Variants in PPP1R13B observed in about 807,000 individuals in gnomAD.
The protein encoded by PPP1R13B is protein phosphatase 1 regulatory subunit 13B, also known as apoptosis-stimulating of p53 protein 1.
Under a neutral mutation model 119.8 loss-of-function variants are expected in PPP1R13B, and 44 were observed. The observed-to-expected ratio is 0.37, with a 90% CI of 0.29 to 0.47. The LOEUF is 0.47. PPP1R13B is among the 20% of genes least tolerant of loss of function. The probability of loss-of-function intolerance (pLI) is 0.99; values close to 1 mark genes in which losing one functional copy is unlikely to be tolerated. For synonymous variants in PPP1R13B, 542 were observed against 561.5 expected, an observed-to-expected ratio of 0.97 and a Z score of 0.49; for missense variants, 1,227 against 1,413.5, an observed-to-expected ratio of 0.87 and a Z score of 2.12.
chr14:103,808,356 G>A (rs183799315), intron 1 of PPP1R13B, among the ~76,000 whole-genome samples: 3 of 152,138 alleles, frequency 2.0e-5, no homozygotes, highest in African/African-American at 7.2e-5. Flanking sequence ...TAAAGCAGGG[G>A]TGTCCCAACT....
At chr14:103,737,622 C>T in intron 15 of PPP1R13B, 72 bp downstream of exon 15, 1 of 1,528,812 alleles carries the variant, frequency 6.5e-7, no homozygotes, top group Non-Finnish European at 8.9e-7. Flanking sequence ...GCTTCTCTGG[C>T]ACCGGCTGAC....
chr14:103,754,545 G>C lies in PPP1R13B; in HGVS notation c.457-301C>G, dbSNP rs539416439. 2.6e-5 allele frequency among the ~76,000 whole-genome samples: 3 copies of C among 113,826 alleles called. No homozygotes were observed. The South Asian group carries it at 9.3e-4, about 35-fold the overall frequency. 74.7% of individuals were successfully genotyped at this position (113,826 alleles called of 152,430 possible). A position where few individuals can be genotyped will look rare whatever the true frequency, so the allele number is the denominator to read the frequency against. On this transcript the variant is annotated intron_variant, in intron 5 of 16. Coordinates refer to ENST00000202556, the MANE Select transcript of PPP1R13B (RefSeq NM_015316.3). Reference sequence around the variant, plus strand: ...CCACTGCACTCCAGCCTGGGTGCCAGAGTGAGACTCAGTCTCAAAAAAAAA... The same window carrying C: ...CCACTGCACTCCAGCCTGGGTGCCACAGTGAGACTCAGTCTCAAAAAAAAA...
In PPP1R13B at chr14:103,787,636, G is replaced by A. The variant is rs192771732; in HGVS notation, c.158-2722C>T. Among the ~76,000 whole-genome samples, 526 of 149,012 alleles carry A rather than the reference G, an allele frequency of 3.5e-3. 3 individuals are homozygous for A. The highest frequency in any genetic ancestry group is 0.013 in the African/African-American group (509 of 40,510). Reference sequence around the variant, plus strand: ...AGACCAGTCTGGGGAAACACAGTGAGACTTAATTGCTACATTTTTTTTTTT... The same window carrying A: ...AGACCAGTCTGGGGAAACACAGTGAAACTTAATTGCTACATTTTTTTTTTT... On this transcript the variant is annotated intron_variant, in intron 2 of 16. Transcript: ENST00000202556.
chr14:103,747,261 C>T (rs2084409375), intron 8 of PPP1R13B: 1 of 152,200 alleles, frequency 6.6e-6, no homozygotes. Flanking sequence ...ATTCTATATG[C>T]ATGAGGACAG....
intron 7 of PPP1R13B, 41 bp downstream of exon 7, chr14:103,752,959 G>A (rs1359972987): frequency 3.8e-6 from 6 of 1,583,208 alleles, no homozygotes; most frequent in Non-Finnish European, 5.2e-6. Context: ...ATAGAAAGAT[G>A]AGAATGTTTT....
Position 103,757,631 on chromosome 14 carries a change from A to T in PPP1R13B, c.456+19T>A. 1 of 1,607,876 alleles carries T rather than the reference A, an allele frequency of 6.2e-7. No individual in the cohort carries two copies. The highest frequency in any genetic ancestry group is 8.5e-7 in the Non-Finnish European group (1 of 1,174,906). Reference sequence around the variant, plus strand: ...GGTACTTTTTGAACAATGTTTCAATACCTCTTTTTATAACTTACCTTGGCA... The same window carrying T: ...GGTACTTTTTGAACAATGTTTCAATTCCTCTTTTTATAACTTACCTTGGCA... On this transcript the variant is annotated intron_variant, in intron 5 of 16. Coordinates refer to ENST00000202556, the MANE Select transcript of PPP1R13B (RefSeq NM_015316.3).
At chr14:103,788,752 A>G (rs1259850667) in intron 2 of PPP1R13B, among the ~76,000 whole-genome samples, 1 of 152,098 alleles carries the variant, frequency 6.6e-6, no homozygotes, top group South Asian at 2.1e-4. Context: ...GTAAGATGTC[A>G]CTAAGGGCTT....
At chr14:103,836,047 CTTT>C (rs746593375) in intron 1 of PPP1R13B, among the ~76,000 whole-genome samples, 1 of 133,580 alleles carries the variant, frequency 7.5e-6, no homozygotes. Context: ...GGCCTACTGA[CTTT>C]TTTTTTTTTT....
At position 103,756,342 on chromosome 14, in the gene PPP1R13B, G is replaced by A. The variant is rs771206399; in HGVS notation, c.456+1308C>T. Among the ~76,000 whole-genome samples, 6 of 152,010 alleles carry A rather than the reference G, an allele frequency of 3.9e-5. No individual in the cohort carries two copies. The East Asian group carries it at 9.6e-4, about 24-fold the overall frequency. ...TGACCTCAGATGATCCACCTGCCTC[G>A]GCCTCCCAAAGTGCTGGGATTACAG... is the stretch of plus-strand genomic sequence containing the variant. On this transcript the variant is annotated intron_variant, in intron 5 of 16. Transcript: ENST00000202556.
intron 4 of PPP1R13B, among the ~76,000 whole-genome samples, chr14:103,772,324 G>C (rs1001493500): frequency 5.9e-5 from 9 of 152,254 alleles, no homozygotes; most frequent in African/African-American, 1.9e-4. Flanking sequence ...AGTCTGCACA[G>C]ACATTTGCTT....
chr14:103,781,809 A>G (rs2085343425), intron 3 of PPP1R13B, among the ~76,000 whole-genome samples: 1 of 151,464 alleles, frequency 6.6e-6, no homozygotes, highest in African/African-American at 2.4e-5. Context: ...CTGCCACCAC[A>G]CTCGGCTAAT....
At chr14:103,804,195 G>T in intron 1 of PPP1R13B, 1 of 247,312 alleles carries the variant, frequency 4.0e-6, no homozygotes, top group Non-Finnish European at 6.4e-6. Flanking sequence ...CTCAAGAAAT[G>T]CAGGATGAGG....
At chr14:103,824,942 A>G (rs11160763) in intron 1 of PPP1R13B, among the ~76,000 whole-genome samples, 12,004 of 132,758 alleles carry the variant, frequency 0.09, 687 homozygotes, top group Non-Finnish European at 0.14. Flanking sequence ...TTCTGCAGAT[A>G]TTGCATTTTT....
chr14:103,747,774 T>C (rs1333817128), intron 8 of PPP1R13B, among the ~76,000 whole-genome samples: 1 of 152,204 alleles, frequency 6.6e-6, no homozygotes, highest in Non-Finnish European at 1.5e-5. Context: ...TGGTTTTCCA[T>C]TCCTGAGTTA....
chr14:103,829,301 C>T (rs2086617568), intron 1 of PPP1R13B, among the ~76,000 whole-genome samples: 1 of 152,202 alleles, frequency 6.6e-6, no homozygotes, highest in Non-Finnish European at 1.5e-5. Flanking sequence ...CACAAAATGA[C>T]ACTTCAACAT....
chr14:103,814,997 G>T (rs964651484), intron 1 of PPP1R13B, among the ~76,000 whole-genome samples: 4 of 152,054 alleles, frequency 2.6e-5, no homozygotes, highest in Non-Finnish European at 4.4e-5. Flanking sequence ...TAAAAACTTG[G>T]AAATATTTAT....
chr14:103,777,800 T>TAAA lies in PPP1R13B; in HGVS notation c.354+942_354+944dup, dbSNP rs10658393. Among the ~76,000 whole-genome samples the TAAA allele has an allele frequency of 5.7e-3, 802 of 141,038 alleles. 10 individuals carry two copies. The highest frequency in any genetic ancestry group is 0.021 in the East Asian group (102 of 4,914). 92.5% of individuals were successfully genotyped at this position (141,038 alleles called of 152,430 possible). ...CTCATTACTACCGGTAAAAAGCAAT[T>TAAA]AAAAAAAAAAAAAAAACAGGGTCTT... On this transcript the variant is annotated intron_variant, in intron 4 of 16. Transcript: ENST00000202556.
chr14:103,788,551 T>A (rs1049140433), intron 2 of PPP1R13B, among the ~76,000 whole-genome samples: 11 of 152,142 alleles, frequency 7.2e-5, no homozygotes, highest in African/African-American at 2.7e-4. Context: ...TAGCCAGGCA[T>A]GACAGTGCAC....
intron 2 of PPP1R13B, among the ~76,000 whole-genome samples, chr14:103,791,804 T>C (rs1048064273): frequency 1.3e-5 from 2 of 152,228 alleles, no homozygotes; most frequent in African/African-American, 2.4e-5. Context: ...TTTTTTTATA[T>C]ACACATATGC....
Sources: gnomAD v4.1 joint callset for allele counts (sites outside exome capture counted in the v4.1 genomes callset) on GRCh38, gnomAD v4.1.1 for gene constraint, MANE v1.5 for transcripts, NCBI Gene and HGNC (gene_info 2026-07-23, HGNC 2026-07-21) for gene names.